The following PALS2 variants were observed in gnomAD, a reference collection of about 807,000 sequenced individuals.
PALS2 encodes the protein protein PALS2.
PALS2 carries 27 observed loss-of-function variants against 61.6 expected under a neutral mutation model. That is an observed-to-expected ratio of 0.44 (90% CI 0.32 to 0.60). The LOEUF is 0.60. Ranked by LOEUF, PALS2 falls within the 20% of genes least tolerant of loss-of-function variation. The probability of loss-of-function intolerance (pLI) is 0.05; values close to 1 mark genes in which losing one functional copy is unlikely to be tolerated. For missense variants in PALS2, 554 were observed against 639.4 expected, an observed-to-expected ratio of 0.87 and a Z score of 1.44; for synonymous variants, 236 against 218.6, an observed-to-expected ratio of 1.08 and a Z score of -0.70.
rs1274329385 is a variant in PALS2, at chr7:24,691,405, G to GTGTGTA, written c.*3792_*3793insGTGTAT. ...ATATTATGTATGTGTGTGTGTGTGT[G>GTGTGTA]TATATATATATATATATATATATAT... On this transcript the variant is annotated 3_prime_UTR_variant, in exon 12 of 12. Transcript: ENST00000222644. The GTGTGTA allele has an allele frequency of 0.012, 1,366 of 110,288 alleles. 12 individuals carry two copies. Among genetic ancestry groups the GTGTGTA allele is most frequent in the Admixed American group, 0.022 (220 of 9,812 alleles). The allele number at this position is 110,288 out of a possible 1,614,324, so 6.8% of individuals were successfully genotyped here. A position where few individuals can be genotyped will look rare whatever the true frequency, so the allele number is the denominator to read the frequency against.
chr7:24,628,537 A>C (rs1391155509), intron 2 of PALS2, among the ~76,000 whole-genome samples: 1 of 152,176 alleles, frequency 6.6e-6, no homozygotes. Context: ...AAGCGTATTC[A>C]AATAGGAAGA....
chr7:24,671,349 G>A (rs1465209458), intron 9 of PALS2, among the ~76,000 whole-genome samples: 1 of 152,140 alleles, frequency 6.6e-6, no homozygotes, highest in Admixed American at 6.5e-5. Flanking sequence ...TGTTCAAACT[G>A]GTTGCCCATT....
rs1174620970 is a variant in PALS2, at chr7:24,689,381, T to C, written c.*1767T>C. 1 of 152,230 alleles carries C rather than the reference T, an allele frequency of 6.6e-6. No individual in the cohort carries two copies. The highest frequency in any genetic ancestry group is 1.5e-5 in the Non-Finnish European group (1 of 68,040). 9.4% of individuals were successfully genotyped at this position (152,230 alleles called of 1,614,324 possible). On this transcript the variant is annotated 3_prime_UTR_variant, in exon 12 of 12. Coordinates refer to ENST00000222644, the MANE Select transcript of PALS2 (RefSeq NM_001303037.2). ...ATTGATGGTCATCTTTGTCTGGTGT[T>C]AGGTGCCAGACACCTGGCTGCTGAA...
chr7:24,668,750 T>C lies in PALS2; in HGVS notation c.1114+90T>C, dbSNP rs1787157751. The C allele has an allele frequency of 5.5e-6, 8 of 1,459,966 alleles. No homozygotes were observed. The Admixed American group carries it at 1.7e-4, about 31-fold the overall frequency. The allele number at this position is 1,459,966 out of a possible 1,614,324, so 90.4% of individuals were successfully genotyped here. Reference sequence around the variant, plus strand: ...GGGGGATTATTATCATTAGTTATTGTTATTCCCAAATAAGTTTTCTTTATG... The same window carrying C: ...GGGGGATTATTATCATTAGTTATTGCTATTCCCAAATAAGTTTTCTTTATG... On this transcript the variant is annotated intron_variant, in intron 9 of 11. Coordinates refer to ENST00000222644, the MANE Select transcript of PALS2 (RefSeq NM_001303037.2).
At position 24,596,137 on chromosome 7, in the gene PALS2, T is replaced by C. The variant is rs1783516462; in HGVS notation, c.-3+22544T>C. Among the ~76,000 whole-genome samples, 1 of 152,052 alleles carries C rather than the reference T, an allele frequency of 6.6e-6. No individual in the cohort carries two copies. The highest frequency in any genetic ancestry group is 1.5e-5 in the Non-Finnish European group (1 of 67,998). ...TAGCAGGAGAGTAACAAAATCTGTT[T>C]TGTGTTTTAAAATGATGGCTCTAGC... On this transcript the variant is annotated intron_variant, in intron 1 of 11. Coordinates refer to ENST00000222644, the MANE Select transcript of PALS2 (RefSeq NM_001303037.2). This position sits in a 1 kb window ranked among gnomAD's most constrained non-coding sequence, Gnocchi z 4.5.
intron 5 of PALS2, among the ~76,000 whole-genome samples, chr7:24,656,461 A>G (rs1786421623): frequency 6.6e-6 from 1 of 152,194 alleles, no homozygotes; most frequent in African/African-American, 2.4e-5. Context: ...CATACATAAT[A>G]TACCCATGAA....
chr7:24,644,812 T>C (rs1785747324), intron 3 of PALS2, among the ~76,000 whole-genome samples: 2 of 152,090 alleles, frequency 1.3e-5, no homozygotes, highest in African/African-American at 4.8e-5. Flanking sequence ...GCATCTGGTA[T>C]TTTTTGACCT....
At position 24,687,170 on chromosome 7, in the gene PALS2, C is replaced by T. The variant is rs544073007; in HGVS notation, c.1447-268C>T. 4.0e-4 allele frequency among the ~76,000 whole-genome samples: 61 copies of T among 152,264 alleles called. No homozygotes were observed. The highest frequency in any genetic ancestry group is 1.4e-3 in the African/African-American group (59 of 41,558). On this transcript the variant is annotated intron_variant, in intron 11 of 11. Transcript: ENST00000222644. This position sits in a 1 kb window ranked among gnomAD's most constrained non-coding sequence, Gnocchi z 4.5. ...AGATTCATTCCAAGATTATTTTCAG[C>T]AGTCTTTTAATTAGGAATTTTATCC...
intron 5 of PALS2, among the ~76,000 whole-genome samples, chr7:24,661,776 A>G (rs938039529): frequency 1.3e-5 from 2 of 152,112 alleles, no homozygotes; most frequent in African/African-American, 4.8e-5. Flanking sequence ...GTTTGTTTAT[A>G]TTTTCTTAAT....
intron 1 of PALS2, among the ~76,000 whole-genome samples, chr7:24,610,895 T>G (rs947815307): frequency 1.2e-4 from 18 of 152,168 alleles, no homozygotes; most frequent in African/African-American, 4.1e-4. Context: ...AACATGGATC[T>G]GGTGAAATAA....
intron 3 of PALS2, among the ~76,000 whole-genome samples, chr7:24,646,560 T>A (rs1785843231): frequency 6.6e-6 from 1 of 152,188 alleles, no homozygotes; most frequent in Non-Finnish European, 1.5e-5. Context: ...TTGCAAGTAT[T>A]TTGTTGAGGA....
intron 2 of PALS2, among the ~76,000 whole-genome samples, chr7:24,624,814 C>T (rs117606244): frequency 0.016 from 2,450 of 151,722 alleles, 53 homozygotes; most frequent in South Asian, 0.048. Context: ...ACCATGTTGG[C>T]GCAGGCTGGT....
intron 1 of PALS2, among the ~76,000 whole-genome samples, chr7:24,583,614 A>G (rs10231658): frequency 0.023 from 3,509 of 150,008 alleles, 160 homozygotes; most frequent in African/African-American, 0.082. Flanking sequence ...AGGATATCTT[A>G]TTCAGATCCT....
Position 24,688,691 on chromosome 7 carries a change from C to G in PALS2, c.*1077C>G, listed in dbSNP as rs570198344. On this transcript the variant is annotated 3_prime_UTR_variant, in exon 12 of 12. Transcript: ENST00000222644. ...ACTTAAAAAATTGGGAAATAATTGT[C>G]AGCTATTTTGTATACATACACACAA... 61 of 151,134 alleles carry G rather than the reference C, an allele frequency of 4.0e-4. No individual in the cohort carries two copies. Among genetic ancestry groups the G allele is most frequent in the African/African-American group, 1.3e-3 (52 of 41,236 alleles). 9.4% of individuals were successfully genotyped at this position (151,134 alleles called of 1,614,324 possible). A position where few individuals can be genotyped will look rare whatever the true frequency, so the allele number is the denominator to read the frequency against.
intron 3 of PALS2, among the ~76,000 whole-genome samples, 189 bp from the exon 4 acceptor site, chr7:24,649,419 TAATA>T (rs989851652): frequency 4.6e-5 from 7 of 152,288 alleles, no homozygotes; most frequent in African/African-American, 1.7e-4. Flanking sequence ...TGTTTGATGA[TAATA>T]AAACTATATA....
chr7:24,641,007 C>CAAAAAAAAAAAAAAAAAAAAAA (rs35912373), intron 2 of PALS2, among the ~76,000 whole-genome samples: 1 of 67,108 alleles, frequency 1.5e-5, no homozygotes. Flanking sequence ...GACTCCATCT[C>CAAAAAAAAAAAAAAAAAAAAAA]AAAAAAAAAA....
At chr7:24,612,140 T>C (rs1784137546) in intron 1 of PALS2, among the ~76,000 whole-genome samples, 1 of 152,008 alleles carries the variant, frequency 6.6e-6, no homozygotes. Context: ...GTTCATGTGG[T>C]TTTTTGCCTT....
At chr7:24,674,933 G>T (rs1365688208) in intron 9 of PALS2, among the ~76,000 whole-genome samples, 1 of 152,114 alleles carries the variant, frequency 6.6e-6, no homozygotes, top group African/African-American at 2.4e-5. Context: ...CTAAAATTGA[G>T]AATTTTGCCT....
intron 2 of PALS2, among the ~76,000 whole-genome samples, chr7:24,641,313 C>G (rs1050335421): frequency 1.3e-5 from 2 of 151,618 alleles, no homozygotes; most frequent in Admixed American, 1.3e-4. Context: ...ATTCCTATTC[C>G]TTGTTTTTAT....
Sources: gnomAD v4.1 joint callset for allele counts (sites outside exome capture counted in the v4.1 genomes callset) on GRCh38, gnomAD v4.1.1 for gene constraint, Gnocchi (gnomAD v3.1) non-coding constraint, MANE v1.5 for transcripts, NCBI Gene and HGNC (gene_info 2026-07-23, HGNC 2026-07-21) for gene names.